Variants in CLEC16A observed in about 807,000 individuals in gnomAD.
CLEC16A encodes the protein C-type lectin domain containing 16A.
A neutral mutation model predicts 109.5 loss-of-function variants in CLEC16A; 51 were observed. The ratio of observed to expected loss-of-function variants is 0.47; its 90% CI spans 0.37 to 0.59. The LOEUF is 0.59. Ranked by LOEUF, CLEC16A falls within the 20% of genes least tolerant of loss-of-function variation. The probability of loss-of-function intolerance (pLI) is 0.00; values close to 1 mark genes in which losing one functional copy is unlikely to be tolerated. For synonymous variants in CLEC16A, 673 were observed against 564.2 expected (o/e 1.19, Z -2.73); for missense variants, 1,339 against 1,394.0 (o/e 0.96, Z 0.63).
At chr16:11,177,735 C>A (rs572000885) in intron 23 of CLEC16A, among the ~76,000 whole-genome samples, 12 of 152,254 alleles carry the variant, frequency 7.9e-5, no homozygotes, top group Non-Finnish European at 1.6e-4. Flanking sequence ...CAATAATGGC[C>A]TGAGGAACCA....
At chr16:11,103,971 C>G (rs1033864747) in intron 19 of CLEC16A, among the ~76,000 whole-genome samples, 2 of 152,208 alleles carry the variant, frequency 1.3e-5, no homozygotes, top group Non-Finnish European at 2.9e-5. Context: ...GAATGCCAGG[C>G]TCAGATCCAT....
At position 10,954,913 on chromosome 16, in the gene CLEC16A, T is replaced by C. The variant is rs2041915920; in HGVS notation, c.81-2869T>C. ...ATGTGAATAACGGCCCCCACCACAA[T>C]GACCATAATCTAATCACCATGGCAG... On this transcript the variant is annotated intron_variant, in intron 1 of 23. Transcript: ENST00000409790. The surrounding 1 kb of genome is among the most constrained non-coding windows in gnomAD (Gnocchi z 4.2). Among the ~76,000 whole-genome samples, 1 of 152,234 alleles carries C rather than the reference T, an allele frequency of 6.6e-6. No homozygotes were observed. The highest frequency in any genetic ancestry group is 2.4e-5 in the African/African-American group (1 of 41,470).
chr16:11,174,252 C>T lies in CLEC16A; in HGVS notation c.2807-4083C>T, dbSNP rs540415485. On this transcript the variant is annotated intron_variant, in intron 23 of 23. Coordinates refer to ENST00000409790, the MANE Select transcript of CLEC16A (RefSeq NM_015226.3). This position sits in a 1 kb window ranked among gnomAD's most constrained non-coding sequence, Gnocchi z 4.7. ...TTAGTGCTCCGAACGGCAGCTGCCA[C>T]GGCACCTCACGCACAGTCAATTCAG... 8 of 465,998 alleles carry T rather than the reference C, an allele frequency of 1.7e-5. No homozygotes were observed. The highest frequency in any genetic ancestry group is 4.0e-5 in the African/African-American group (2 of 50,208). The allele number at this position is 465,998 out of a possible 1,614,324, so 28.9% of individuals were successfully genotyped here. A position where few individuals can be genotyped will look rare whatever the true frequency, so the allele number is the denominator to read the frequency against.
chr16:11,009,600 C>T (rs943303703), intron 11 of CLEC16A, among the ~76,000 whole-genome samples: 2 of 152,128 alleles, frequency 1.3e-5, no homozygotes, highest in East Asian at 1.9e-4. Flanking sequence ...GTGATGGCGC[C>T]GTACCACCTA....
intron 10 of CLEC16A, among the ~76,000 whole-genome samples, chr16:10,985,051 A>C (rs1037806817): frequency 1.1e-4 from 17 of 151,778 alleles, no homozygotes; most frequent in Non-Finnish European, 2.1e-4. Flanking sequence ...AATACAAAAA[A>C]AATTGGCCGG....
At position 11,068,062 on chromosome 16, in the gene CLEC16A, G is replaced by A. The variant is rs200388476; in HGVS notation, c.2116+7040G>A. On this transcript the variant is annotated intron_variant, in intron 19 of 23. Coordinates refer to ENST00000409790, the MANE Select transcript of CLEC16A (RefSeq NM_015226.3). ...CCAGGACTTGCCTGTTTAAAAGTCA[G>A]GCTGCGGTTATGGAGGAAGCCTTGG... Among the ~76,000 whole-genome samples, 24 of 152,310 alleles carry A rather than the reference G, an allele frequency of 1.6e-4. No homozygotes were observed. The East Asian group carries it at 4.2e-3, about 27-fold the overall frequency.
intron 17 of CLEC16A, among the ~76,000 whole-genome samples, chr16:11,050,657 G>C (rs998224822): frequency 1.3e-5 from 2 of 152,222 alleles, no homozygotes; most frequent in Non-Finnish European, 2.9e-5. Context: ...CTCAAAGAAG[G>C]CTTCGCAGAG....
At chr16:10,949,649 G>A (rs1379712589) in intron 1 of CLEC16A, among the ~76,000 whole-genome samples, 1 of 152,162 alleles carries the variant, frequency 6.6e-6, no homozygotes, top group Non-Finnish European at 1.5e-5. Flanking sequence ...ATCACTTTAA[G>A]GAATTCAGAC....
intron 19 of CLEC16A, among the ~76,000 whole-genome samples, chr16:11,083,714 C>T (rs1191335199): frequency 6.6e-6 from 1 of 152,238 alleles, no homozygotes; most frequent in East Asian, 1.9e-4. Context: ...AACAGGTGGC[C>T]CTGGCCCTAA....
At chr16:11,117,440 T>A (rs1010851962) in intron 19 of CLEC16A, among the ~76,000 whole-genome samples, 2 of 152,218 alleles carry the variant, frequency 1.3e-5, no homozygotes, top group African/African-American at 4.8e-5. Context: ...TAGTTTTTTT[T>A]AAAACATACA....
intron 11 of CLEC16A, among the ~76,000 whole-genome samples, chr16:11,008,610 T>A (rs994333062): frequency 2.6e-5 from 4 of 151,700 alleles, no homozygotes; most frequent in South Asian, 2.1e-4. Context: ...CCTGCTCCCT[T>A]TTTTTTTCCT....
intron 14 of CLEC16A, chr16:11,040,514 C>CTTTTTTTT (rs781297913): frequency 0.13 from 12,817 of 100,644 alleles, 1,483 homozygotes; most frequent in South Asian, 0.18. Context: ...TTTTTCTTTT[C>CTTTTTTTT]TTTTTTTTTT....
intron 17 of CLEC16A, among the ~76,000 whole-genome samples, chr16:11,049,020 T>C (rs1460620863): frequency 6.6e-6 from 1 of 152,086 alleles, no homozygotes; most frequent in African/African-American, 2.4e-5. Context: ...TTTCTTTTTT[T>C]TTTTCGAACA....
chr16:11,076,191 T>A (rs1333714394), intron 19 of CLEC16A, among the ~76,000 whole-genome samples: 1 of 152,152 alleles, frequency 6.6e-6, no homozygotes, highest in African/African-American at 2.4e-5. Context: ...TGGCTTCCCA[T>A]TGTGGTGTCA....
At chr16:11,067,661 C>G (rs2048847016) in intron 19 of CLEC16A, among the ~76,000 whole-genome samples, 1 of 152,180 alleles carries the variant, frequency 6.6e-6, no homozygotes, top group Non-Finnish European at 1.5e-5. Flanking sequence ...ATTTGTATCT[C>G]AAAAGGCCCT....
At chr16:10,982,852 A>AG in intron 9 of CLEC16A, 26 bp from the exon 10 acceptor site, 1 of 1,361,534 alleles carries the variant, frequency 7.3e-7, no homozygotes, top group Non-Finnish European at 1.1e-6. Flanking sequence ...CTTTCATGCA[A>AG]ATCCCGTTTC....
intron 22 of CLEC16A, among the ~76,000 whole-genome samples, chr16:11,142,625 A>G (rs2053889120): frequency 6.6e-6 from 1 of 152,212 alleles, no homozygotes. Flanking sequence ...GTGGAGATTT[A>G]AGGTCTGCTG....
chr16:11,131,892 A>G (rs1440021604), intron 22 of CLEC16A, among the ~76,000 whole-genome samples: 1 of 152,050 alleles, frequency 6.6e-6, no homozygotes, highest in African/African-American at 2.4e-5. Flanking sequence ...GCTGTGCCTC[A>G]CCAGGGCCAA....
intron 19 of CLEC16A, among the ~76,000 whole-genome samples, chr16:11,075,964 G>C (rs772104804): frequency 2.6e-5 from 4 of 152,174 alleles, no homozygotes; most frequent in Non-Finnish European, 4.4e-5. Flanking sequence ...GAATATCCTT[G>C]TTTCTTCTCA....
Sources: allele counts gnomAD v4.1 joint callset (sites outside exome capture counted in the v4.1 genomes callset), GRCh38; gene constraint gnomAD v4.1.1; non-coding constraint Gnocchi (gnomAD v3.1); transcripts MANE v1.5; gene names NCBI Gene and HGNC (gene_info 2026-07-23, HGNC 2026-07-21).